Variants in MAP4K5 observed in about 807,000 individuals in gnomAD.
The protein encoded by MAP4K5 is mitogen-activated protein kinase kinase kinase kinase 5, also known as MAPK/ERK kinase kinase kinase 5.
MAP4K5 carries 82 observed loss-of-function variants against 135.6 expected under a neutral mutation model. The ratio of observed to expected loss-of-function variants is 0.60; its 90% CI spans 0.51 to 0.73. The LOEUF (loss-of-function observed/expected upper bound fraction) is 0.73. Ranked by LOEUF, MAP4K5 falls within the 30% of genes least tolerant of loss-of-function variation. MAP4K5 has a pLI of 0.00. For synonymous variants in MAP4K5, 347 were observed against 335.0 expected, an observed-to-expected ratio of 1.04 and a Z score of -0.39; for missense variants, 907 against 1,010.9, an observed-to-expected ratio of 0.90 and a Z score of 1.39.
At chr14:50,505,099 T>C (rs1015078978) in intron 2 of MAP4K5, 5 of 351,960 alleles carry the variant, frequency 1.4e-5, no homozygotes, top group Non-Finnish European at 2.5e-5. Flanking sequence ...GTTTAAAATT[T>C]GGTCTACTTC....
rs59075218 is a variant in MAP4K5, at chr14:50,542,006, C to CAAAAA, written c.-94+488_-94+492dup. Among the ~76,000 whole-genome samples the CAAAAA allele has an allele frequency of 2.7e-4, 17 of 62,480 alleles. 1 individual carries two copies. Among genetic ancestry groups the CAAAAA allele is most frequent in the East Asian group, 5.4e-4 (1 of 1,862 alleles). 41.0% of individuals were successfully genotyped at this position (62,480 alleles called of 152,430 possible). A position where few individuals can be genotyped will look rare whatever the true frequency, so the allele number is the denominator to read the frequency against. ...TGGGCGACAGAGCGAGATTCCGTCT[C>CAAAAA]AAAAAAAAAAAAAAAAAAAAAAAAA... On this transcript the variant is annotated intron_variant, in intron 2 of 8. Transcript: ENST00000555216.
chr14:50,557,397 A>G (rs2038777322), intron 1 of MAP4K5, among the ~76,000 whole-genome samples: 2 of 152,284 alleles, frequency 1.3e-5, no homozygotes, highest in South Asian at 4.1e-4. Context: ...TTTTTCACAG[A>G]TGAATGGATA....
At chr14:50,447,366 C>G in intron 16 of MAP4K5, 48 bp downstream of exon 16, 1 of 1,167,636 alleles carries the variant, frequency 8.6e-7, no homozygotes. Context: ...CCATACTGTT[C>G]TTATGTAATC....
intron 3 of MAP4K5, among the ~76,000 whole-genome samples, chr14:50,497,192 T>C (rs966403117): frequency 6.6e-6 from 1 of 150,600 alleles, no homozygotes; most frequent in East Asian, 1.9e-4. Flanking sequence ...AATATGGTTG[T>C]TTTGGTTCAT....
intron 10 of MAP4K5, among the ~76,000 whole-genome samples, chr14:50,467,015 T>C (rs1376188343): frequency 2.0e-5 from 3 of 152,204 alleles, no homozygotes; most frequent in African/African-American, 7.2e-5. Context: ...TTAGGTTGCA[T>C]ATTTAACCAA....
intron 2 of MAP4K5, among the ~76,000 whole-genome samples, chr14:50,520,245 T>G (rs918255656): frequency 6.6e-6 from 1 of 152,140 alleles, no homozygotes; most frequent in Non-Finnish European, 1.5e-5. Context: ...ACGCCTGTAA[T>G]CCTAGCACTT....
intron 20 of MAP4K5, 74 bp downstream of exon 20, chr14:50,443,655 T>C (rs2036277088): frequency 8.0e-7 from 1 of 1,251,210 alleles, no homozygotes; most frequent in Non-Finnish European, 1.1e-6. Context: ...GGCTCAAGTA[T>C]ATTGATAGCC....
intron 14 of MAP4K5, among the ~76,000 whole-genome samples, chr14:50,456,073 CAG>C (rs1416422050): frequency 6.6e-6 from 1 of 151,978 alleles, no homozygotes; most frequent in East Asian, 1.9e-4. Context: ...ATTAATGAAA[CAG>C]AATGCAATCG....
intron 1 of MAP4K5, chr14:50,559,068 G>A (rs966270102): frequency 6.6e-6 from 1 of 152,200 alleles, no homozygotes; most frequent in Admixed American, 6.5e-5. Context: ...CTGGTATAAT[G>A]TCCTCTCTTC....
Position 50,544,487 on chromosome 14 carries a change from T to C in MAP4K5, c.-179-1903A>G, listed in dbSNP as rs551066758. 4.6e-5 allele frequency among the ~76,000 whole-genome samples: 7 copies of C among 152,312 alleles called. No individual in the cohort carries two copies. The East Asian group carries it at 1.3e-3, about 29-fold the overall frequency. On this transcript the variant is annotated intron_variant, in intron 1 of 8. Transcript: ENST00000555216. ...CTGGACAATGACACAGGAGGAAAAGTCTGCTGGAGTGCTTCTAGGAAGGTT... is the reference window on the plus strand; with the variant it reads ...CTGGACAATGACACAGGAGGAAAAGCCTGCTGGAGTGCTTCTAGGAAGGTT...
chr14:50,446,446 A>T (rs2036350139), intron 16 of MAP4K5, among the ~76,000 whole-genome samples: 1 of 152,226 alleles, frequency 6.6e-6, no homozygotes, highest in Non-Finnish European at 1.5e-5. Flanking sequence ...GGACCCATAG[A>T]TTCAAGTGGG....
intron 2 of MAP4K5, among the ~76,000 whole-genome samples, chr14:50,511,134 A>G (rs1214019916): frequency 1.3e-5 from 2 of 152,230 alleles, no homozygotes; most frequent in African/African-American, 4.8e-5. Context: ...ACTATTCACG[A>G]CAGCCAAGAC....
At chr14:50,422,016 C>T (rs1001564989) in intron 32 of MAP4K5, among the ~76,000 whole-genome samples, 20 of 151,954 alleles carry the variant, frequency 1.3e-4, no homozygotes, top group South Asian at 4.2e-4. Flanking sequence ...TTCAACCTTC[C>T]GAGTAGCTGG....
At chr14:50,554,877 A>G (rs533078408) in intron 1 of MAP4K5, among the ~76,000 whole-genome samples, 8 of 152,232 alleles carry the variant, frequency 5.3e-5, no homozygotes, top group Non-Finnish European at 1.0e-4. Context: ...ACATTTTTCT[A>G]TACAGTCCTG....
intron 8 of MAP4K5, among the ~76,000 whole-genome samples, chr14:50,475,450 C>T (rs549169174): frequency 6.6e-6 from 1 of 151,110 alleles, no homozygotes; most frequent in Non-Finnish European, 1.5e-5. Context: ...AAAAATAAAA[C>T]ACATGGGAGA....
At chr14:50,541,759 G>T (rs374242629) in intron 2 of MAP4K5, among the ~76,000 whole-genome samples, 5 of 151,914 alleles carry the variant, frequency 3.3e-5, no homozygotes, top group African/African-American at 1.2e-4. Flanking sequence ...GGTGGCTCAC[G>T]CCTGTAATCC....
chr14:50,505,602 T>C (rs76312370), intron 2 of MAP4K5, among the ~76,000 whole-genome samples: 2,048 of 152,246 alleles, frequency 0.013, 38 homozygotes, highest in African/African-American at 0.047. Context: ...TATTTTACCA[T>C]AGATCAGCTT....
At chr14:50,507,926 C>T (rs1428397821) in intron 2 of MAP4K5, among the ~76,000 whole-genome samples, 2 of 152,288 alleles carry the variant, frequency 1.3e-5, no homozygotes, top group Non-Finnish European at 2.9e-5. Context: ...TCTCGTTGAT[C>T]TGTCTAATGT....
At chr14:50,479,732 C>A (rs1281914923) in intron 6 of MAP4K5, among the ~76,000 whole-genome samples, 3 of 152,078 alleles carry the variant, frequency 2.0e-5, no homozygotes, top group African/African-American at 7.2e-5. Flanking sequence ...TGAGTAGATG[C>A]CCAACATTGT....
Sources: allele counts gnomAD v4.1 joint callset (sites outside exome capture counted in the v4.1 genomes callset), GRCh38; gene constraint gnomAD v4.1.1; transcripts MANE v1.5; gene names NCBI Gene and HGNC (gene_info 2026-07-23, HGNC 2026-07-21).